The following P2RY1 variants were observed in gnomAD, a reference collection of about 807,000 sequenced individuals.
The protein encoded by P2RY1 is P2Y purinoceptor 1.
In P2RY1, 14 loss-of-function variants were observed where a neutral mutation model predicts 22.8. The observed-to-expected ratio is 0.61, with a 90% CI of 0.41 to 0.96. The LOEUF (loss-of-function observed/expected upper bound fraction) is 0.96. P2RY1 is among the 40% of genes least tolerant of loss of function. P2RY1 has a pLI of 0.00. For missense variants in P2RY1, 395 were observed against 470.3 expected (o/e 0.84, Z 1.48); for synonymous variants, 200 against 195.1 (o/e 1.03, Z -0.21).
chr3:152,836,751 C>G lies in P2RY1; in HGVS notation c.969C>G (p.Leu323=). 3 of 1,614,202 alleles carry G rather than the reference C, an allele frequency of 1.9e-6. No homozygotes were observed. Among genetic ancestry groups the G allele is most frequent in the Non-Finnish European group, 2.5e-6 (3 of 1,180,036 alleles). Residue 323 remains leucine (L), a synonymous_variant, in exon 1 of 1, where the codon CTC becomes CTG. Coordinates refer to ENST00000305097, the MANE Select transcript of P2RY1 (RefSeq NM_002563.5). This position sits in a 1 kb window ranked among gnomAD's most constrained non-coding sequence, Gnocchi z 5.6. ...TCAACAGTTGTGTGGACCCCATTCT[C>G]TATTTCTTGGCGGGAGATACTTTCA... ...ASLNSCVDPI[L]YFLAGDTFRR... is the part of the protein sequence containing the mutation.
chr3:152,840,986 T>C lies in P2RY1; in HGVS notation c.*4082T>C, dbSNP rs1445288710. 6.6e-6 allele frequency: 1 copy of C among 152,204 alleles called. No homozygotes were observed. Among genetic ancestry groups the C allele is most frequent in the African/African-American group, 2.4e-5 (1 of 41,458 alleles). The allele number at this position is 152,204 out of a possible 1,614,324, so 9.4% of individuals were successfully genotyped here. A position where few individuals can be genotyped will look rare whatever the true frequency, so the allele number is the denominator to read the frequency against. On this transcript the variant is annotated 3_prime_UTR_variant, in exon 1 of 1. Transcript: ENST00000305097. ...TATCAAAATTTGTGAATTTGAATTA[T>C]AGTATGTTTTAGTGCTATTGCAAAA...
In P2RY1 at chr3:152,835,733, C is replaced by T; in HGVS notation, c.-50C>T. 6.6e-7 allele frequency: 1 copy of T among 1,508,616 alleles called. No individual in the cohort carries two copies. The allele number at this position is 1,508,616 out of a possible 1,614,324, so 93.5% of individuals were successfully genotyped here. On this transcript the variant is annotated 5_prime_UTR_variant, in exon 1 of 1. Transcript: ENST00000305097. The stretch of plus-strand genomic sequence containing the variant: ...CTGCGCCCCTGGCCGCCGCTGCCCT[C>T]TCGCCGCCTCCTACCCCTCGGAGCC...
Position 152,835,318 on chromosome 3 carries a change from G to A in P2RY1, c.-465G>A, listed in dbSNP as rs904846942. 1 of 161,404 alleles carries A rather than the reference G, an allele frequency of 6.2e-6. No homozygotes were observed. Among genetic ancestry groups the A allele is most frequent in the East Asian group, 1.9e-4 (1 of 5,294 alleles). The allele number at this position is 161,404 out of a possible 1,614,324, so 10.0% of individuals were successfully genotyped here. A position where few individuals can be genotyped will look rare whatever the true frequency, so the allele number is the denominator to read the frequency against. Reference sequence around the variant, plus strand: ...AGCTGCACGTTTCTAAGGTAGGGAGGAGGAAGATGCCCCCAATTAAGTTGA... The same window carrying A: ...AGCTGCACGTTTCTAAGGTAGGGAGAAGGAAGATGCCCCCAATTAAGTTGA... On this transcript the variant is annotated 5_prime_UTR_variant, in exon 1 of 1. Transcript: ENST00000305097.
rs1047496417 is a variant in P2RY1, at chr3:152,837,801, T to C, written c.*897T>C. ...ACAATTTTAAGAATTGCAAATAAAT[T>C]ACAGACCAAAGATTGAGTAAAGTCA... On this transcript the variant is annotated 3_prime_UTR_variant, in exon 1 of 1. Coordinates refer to ENST00000305097, the MANE Select transcript of P2RY1 (RefSeq NM_002563.5). 1.2e-5 allele frequency: 2 copies of C among 167,042 alleles called. No homozygotes were observed. The highest frequency in any genetic ancestry group is 1.5e-5 in the Non-Finnish European group (1 of 68,108). The allele number at this position is 167,042 out of a possible 1,614,324, so 10.3% of individuals were successfully genotyped here. A position where few individuals can be genotyped will look rare whatever the true frequency, so the allele number is the denominator to read the frequency against.
rs1417759465 is a variant in P2RY1 at position 152,835,502 on chromosome 3, C to G, written c.-281C>G. 37 of 453,884 alleles carry G rather than the reference C, an allele frequency of 8.2e-5. No homozygotes were observed. The East Asian group carries it at 1.4e-3, about 17-fold the overall frequency. The allele number at this position is 453,884 out of a possible 1,614,324, so 28.1% of individuals were successfully genotyped here. ...AAGTTATCCGCGGCGGTTCCCTGCG[C>G]GCCCTGTTGTGTAAGCTCGGCGTTG... On this transcript the variant is annotated 5_prime_UTR_variant, in exon 1 of 1. Transcript: ENST00000305097.
In P2RY1 at chr3:152,836,527, C is replaced by T; in HGVS notation, c.745C>T (p.Leu249=). The T allele has an allele frequency of 3.7e-6, 6 of 1,614,174 alleles. No individual in the cohort carries two copies. Among genetic ancestry groups the T allele is most frequent in the Non-Finnish European group, 5.1e-6 (6 of 1,180,034 alleles). The change falls in exon 1 of 1, where the codon CTG becomes TTG. Residue 249 remains leucine, a synonymous_variant. Transcript: ENST00000305097. This position sits in a 1 kb window ranked among gnomAD's most constrained non-coding sequence, Gnocchi z 5.6. ...LIVRALIYKD[L]DNSPLRRKSI... ...TGTGAGAGCTTTGATTTACAAAGAT[C>T]TGGACAACTCTCCTCTGAGGAGAAA...
In P2RY1 at chr3:152,836,769, T is replaced by C. The variant is rs776798861; in HGVS notation, c.987T>C (p.Asp329=). The C allele has an allele frequency of 1.5e-5, 25 of 1,613,992 alleles. No individual in the cohort carries two copies. The East Asian group carries it at 4.2e-4, about 27-fold the overall frequency. The change falls in exon 1 of 1, where the codon GAT becomes GAC. Residue 329 remains aspartate, a synonymous_variant. Coordinates refer to ENST00000305097, the MANE Select transcript of P2RY1 (RefSeq NM_002563.5). This position sits in a 1 kb window ranked among gnomAD's most constrained non-coding sequence, Gnocchi z 5.6. ...CCATTCTCTATTTCTTGGCGGGAGATACTTTCAGAAGGAGACTCTCCCGAG... is the reference window on the plus strand; with the variant it reads ...CCATTCTCTATTTCTTGGCGGGAGACACTTTCAGAAGGAGACTCTCCCGAG... The part of the protein sequence containing the change: ...VDPILYFLAG[D]TFRRRLSRAT...
Position 152,836,069 on chromosome 3 carries a change from C to G in P2RY1, c.287C>G (p.Ala96Gly), listed in dbSNP as rs1716148608. ...ISVYMFNLAL[A>G]DFLYVLTLPA... ...GTGTACATGTTCAATTTGGCTCTGG[C>G]CGACTTCTTGTACGTGCTGACTCTG... Residue 96 changes from alanine to glycine, a missense_variant, in exon 1 of 1, where the codon GCC (alanine) becomes GGC (glycine). Transcript: ENST00000305097. This position sits in a 1 kb window ranked among gnomAD's most constrained non-coding sequence, Gnocchi z 5.6. 6.2e-7 allele frequency: 1 copy of G among 1,614,026 alleles called. No individual in the cohort carries two copies. Among genetic ancestry groups the G allele is most frequent in the Admixed American group, 1.7e-5 (1 of 60,000 alleles).
rs768092598 is a variant in P2RY1 at position 152,836,531 on chromosome 3, A to T, written c.749A>T (p.Asp250Val). 1 of 1,614,210 alleles carries T rather than the reference A, an allele frequency of 6.2e-7. No individual in the cohort carries two copies. The highest frequency in any genetic ancestry group is 2.2e-5 in the East Asian group (1 of 44,882). Residue 250 changes from aspartate to valine, a missense_variant, in exon 1 of 1, where the codon GAC becomes GTC. By Grantham distance (152) the Asp-to-Val change is radical. Around this residue, in one of 3 missense-constraint regions of P2RY1, gnomAD observed 291 missense variants for 361.6 expected, o/e 0.80. Coordinates refer to ENST00000305097, the MANE Select transcript of P2RY1 (RefSeq NM_002563.5). This position sits in a 1 kb window ranked among gnomAD's most constrained non-coding sequence, Gnocchi z 5.6. ...IVRALIYKDL[D>V]NSPLRRKSIY... ...AGAGCTTTGATTTACAAAGATCTGG[A>T]CAACTCTCCTCTGAGGAGAAAATCG...
rs56261476 is a variant in P2RY1, at chr3:152,841,263, T to TTG, written c.*4393_*4394dup. On this transcript the variant is annotated 3_prime_UTR_variant, in exon 1 of 1. Coordinates refer to ENST00000305097, the MANE Select transcript of P2RY1 (RefSeq NM_002563.5). ...TTTGCATGTAAGAGTATGCAAAACCTTGTGTGTGTGTGTGTGTGTGTGTGT... is the reference window on the plus strand; with the variant it reads ...TTTGCATGTAAGAGTATGCAAAACCTTGTGTGTGTGTGTGTGTGTGTGTGTGT... 19,155 of 145,812 alleles carry TTG rather than the reference T, an allele frequency of 0.13. 1,359 individuals are homozygous for TTG. Among genetic ancestry groups the TTG allele is most frequent in the Non-Finnish European group, 0.16 (10,807 of 65,570 alleles). 9.0% of individuals were successfully genotyped at this position (145,812 alleles called of 1,614,324 possible).
rs1022701111 is a variant in P2RY1, at chr3:152,839,755, A to T, written c.*2851A>T. On this transcript the variant is annotated 3_prime_UTR_variant, in exon 1 of 1. Coordinates refer to ENST00000305097, the MANE Select transcript of P2RY1 (RefSeq NM_002563.5). ...GGGGCCTTGGGGGATATGGTAAAGC[A>T]TGAAAACTAAACAGCCAGGAGCCTG... The T allele has an allele frequency of 5.3e-5, 8 of 152,220 alleles. No individual in the cohort carries two copies. The highest frequency in any genetic ancestry group is 1.9e-4 in the East Asian group (1 of 5,202). The allele number at this position is 152,220 out of a possible 1,614,324, so 9.4% of individuals were successfully genotyped here. A position where few individuals can be genotyped will look rare whatever the true frequency, so the allele number is the denominator to read the frequency against.
chr3:152,836,931 C>A lies in P2RY1; in HGVS notation c.*27C>A. On this transcript the variant is annotated 3_prime_UTR_variant, in exon 1 of 1. Coordinates refer to ENST00000305097, the MANE Select transcript of P2RY1 (RefSeq NM_002563.5). This position sits in a 1 kb window ranked among gnomAD's most constrained non-coding sequence, Gnocchi z 5.6. ...GGCACAAGAATCTCCAAACACCTCT[C>A]TGTTGTAATATGGTAGGATGCTTAA... is the stretch of plus-strand genomic sequence containing the variant. The A allele has an allele frequency of 6.5e-7, 1 of 1,546,152 alleles. No homozygotes were observed. The highest frequency in any genetic ancestry group is 8.8e-7 in the Non-Finnish European group (1 of 1,134,670).
In P2RY1 at chr3:152,835,470, A is replaced by G. The variant is rs1211754677; in HGVS notation, c.-313A>G. ...GACCCGCGGCCCCTCGGGAAAGCGC[A>G]GTCGGAAAGTTATCCGCGGCGGTTC... On this transcript the variant is annotated 5_prime_UTR_variant, in exon 1 of 1. Coordinates refer to ENST00000305097, the MANE Select transcript of P2RY1 (RefSeq NM_002563.5). 2.6e-6 allele frequency: 1 copy of G among 377,774 alleles called. No homozygotes were observed. The allele number at this position is 377,774 out of a possible 1,614,324, so 23.4% of individuals were successfully genotyped here.
Position 152,835,898 on chromosome 3 carries a change from C to G in P2RY1, c.116C>G (p.Ser39Trp), listed in dbSNP as rs1437706210. Reference protein sequence around the residue: ...TVASTAAVSSSFKCALTKTGF... With the variant: ...TVASTAAVSSWFKCALTKTGF... ...GCCTCCACTGCCGCCGTCTCCTCGTCGTTCAAATGCGCCTTGACCAAGACG... is the reference window on the plus strand; with the variant it reads ...GCCTCCACTGCCGCCGTCTCCTCGTGGTTCAAATGCGCCTTGACCAAGACG... Residue 39 changes from serine to tryptophan, a missense_variant, in exon 1 of 1, where the codon TCG becomes TGG. By Grantham distance (177) the Ser-to-Trp change is radical. This residue lies in a region of P2RY1 where 98 missense variants were observed against 87.7 expected (regional missense o/e 1.12). Coordinates refer to ENST00000305097, the MANE Select transcript of P2RY1 (RefSeq NM_002563.5). The G allele has an allele frequency of 4.3e-6, 7 of 1,614,160 alleles. No homozygotes were observed. Among genetic ancestry groups the G allele is most frequent in the African/African-American group, 1.3e-5 (1 of 75,066 alleles).
chr3:152,840,873 T>A lies in P2RY1; in HGVS notation c.*3969T>A, dbSNP rs890815297. On this transcript the variant is annotated 3_prime_UTR_variant, in exon 1 of 1. Transcript: ENST00000305097. ...TAGTGATAATTGTATATTATTTGGC[T>A]GCTGAATTCTGTTAGAGTTTTTTAT... 3 of 152,212 alleles carry A rather than the reference T, an allele frequency of 2.0e-5. No individual in the cohort carries two copies. Among genetic ancestry groups the A allele is most frequent in the African/African-American group, 7.2e-5 (3 of 41,464 alleles). The allele number at this position is 152,212 out of a possible 1,614,324, so 9.4% of individuals were successfully genotyped here.
Position 152,835,662 on chromosome 3 carries a change from T to G in P2RY1, c.-121T>G. 3.1e-6 allele frequency: 3 copies of G among 977,770 alleles called. No individual in the cohort carries two copies. The highest frequency in any genetic ancestry group is 1.7e-5 in the South Asian group (1 of 57,604). The allele number at this position is 977,770 out of a possible 1,614,324, so 60.6% of individuals were successfully genotyped here. On this transcript the variant is annotated 5_prime_UTR_variant, in exon 1 of 1. Transcript: ENST00000305097. ...CCCTGCGCGCCCCCTCCCGCGGGGATCCAGTTCGCCTGCTCCCTTCCGCTC... is the reference window on the plus strand; with the variant it reads ...CCCTGCGCGCCCCCTCCCGCGGGGAGCCAGTTCGCCTGCTCCCTTCCGCTC...
rs373291127 is a variant in P2RY1 at position 152,836,869 on chromosome 3, C to T, written c.1087C>T (p.Pro363Ser). The T allele has an allele frequency of 1.9e-6, 3 of 1,612,216 alleles. No homozygotes were observed. Among genetic ancestry groups the T allele is most frequent in the African/African-American group, 2.7e-5 (2 of 74,872 alleles). ...TGAAGACATGACCCTCAATATTTTA[C>T]CTGAGTTCAAGCAGAATGGAGATAC... ...KSEDMTLNIL[P>S]EFKQNGDTSL Residue 363 changes from proline (P) to serine (S), a missense_variant, in exon 1 of 1, where the codon CCT (proline) becomes TCT (serine). This residue lies in a region of P2RY1 where 291 missense variants were observed against 361.6 expected (regional missense o/e 0.80). Transcript: ENST00000305097. The surrounding 1 kb of genome is among the most constrained non-coding windows in gnomAD (Gnocchi z 5.6).
In P2RY1 at chr3:152,838,754, G is replaced by A. The variant is rs1442248996; in HGVS notation, c.*1850G>A. 6.6e-6 allele frequency: 1 copy of A among 152,116 alleles called. No individual in the cohort carries two copies. Among genetic ancestry groups the A allele is most frequent in the African/African-American group, 2.4e-5 (1 of 41,420 alleles). The allele number at this position is 152,116 out of a possible 1,614,324, so 9.4% of individuals were successfully genotyped here. ...AGCAGTGATTCTTTTTACATGTTCAGTTTTAATGCATAGGATTATAGAAAC... is the reference window on the plus strand; with the variant it reads ...AGCAGTGATTCTTTTTACATGTTCAATTTTAATGCATAGGATTATAGAAAC... On this transcript the variant is annotated 3_prime_UTR_variant, in exon 1 of 1. Transcript: ENST00000305097.
rs914039973 is a variant in P2RY1, at chr3:152,835,473, C to G, written c.-310C>G. 2 of 395,742 alleles carry G rather than the reference C, an allele frequency of 5.1e-6. No homozygotes were observed. The highest frequency in any genetic ancestry group is 4.4e-5 in the Admixed American group (1 of 22,974). The allele number at this position is 395,742 out of a possible 1,614,324, so 24.5% of individuals were successfully genotyped here. ...CCGCGGCCCCTCGGGAAAGCGCAGT[C>G]GGAAAGTTATCCGCGGCGGTTCCCT... On this transcript the variant is annotated 5_prime_UTR_variant, in exon 1 of 1. Coordinates refer to ENST00000305097, the MANE Select transcript of P2RY1 (RefSeq NM_002563.5).
Sources: allele counts gnomAD v4.1 joint callset, GRCh38; gene constraint gnomAD v4.1.1; regional missense constraint gnomAD v4.1.1; non-coding constraint Gnocchi (gnomAD v3.1); transcripts MANE v1.5; gene names NCBI Gene and HGNC (gene_info 2026-07-23, HGNC 2026-07-21).